CDH11: variants seen among roughly 807,000 people sequenced by gnomAD.
The protein encoded by CDH11 is cadherin-11.
Under a neutral mutation model 67.8 loss-of-function variants are expected in CDH11, and 11 were observed. The observed-to-expected ratio is 0.16, with a 90% CI of 0.10 to 0.27. CDH11 has a LOEUF of 0.27. Among genes scored for constraint, CDH11 ranks in the 10% least tolerant of loss-of-function variants. The pLI, the probability that CDH11 is intolerant of heterozygous loss-of-function variation, is 1.00. For missense variants in CDH11, 847 were observed against 1,031.2 expected (o/e 0.82, Z 2.45); for synonymous variants, 419 against 400.0 (o/e 1.05, Z -0.57).
At chr16:64,965,818 A>ACACACAC (rs2071809668) in intron 11 of CDH11, among the ~76,000 whole-genome samples, 5 of 139,834 alleles carry the variant, frequency 3.6e-5, no homozygotes, top group Admixed American at 7.2e-5. Context: ...ACACACACAC[A>ACACACAC]AGCTTATTTA....
At chr16:65,013,549 G>A (rs2073226440) in intron 2 of CDH11, among the ~76,000 whole-genome samples, 1 of 152,140 alleles carries the variant, frequency 6.6e-6, no homozygotes, top group South Asian at 2.1e-4. Context: ...AACCCAGCCG[G>A]GCGCAGTGGC....
chr16:65,122,281 C>T (rs1446424584), upstream of CDH11: 12 of 386,084 alleles, frequency 3.1e-5, no homozygotes, highest in Middle Eastern at 7.6e-4. Context: ...CCCAGGGGCC[C>T]AGAGATGCTA....
At chr16:65,081,361 G>A (rs556813806) in intron 1 of CDH11, among the ~76,000 whole-genome samples, 1 of 152,262 alleles carries the variant, frequency 6.6e-6, no homozygotes, top group East Asian at 1.9e-4. Context: ...GAGGTCAGGA[G>A]ATCGAGACCA....
rs1400074069 is a variant in CDH11, at chr16:65,121,800, T to G, written c.-298+80A>C. The G allele has an allele frequency of 2.6e-5, 14 of 547,034 alleles. No homozygotes were observed. The Admixed American group carries it at 3.1e-4, about 12-fold the overall frequency. The allele number at this position is 547,034 out of a possible 1,614,324, so 33.9% of individuals were successfully genotyped here. On this transcript the variant is annotated intron_variant, in intron 1 of 12. Coordinates refer to ENST00000268603, the MANE Select transcript of CDH11 (RefSeq NM_001797.4). The surrounding 1 kb of genome is among the most constrained non-coding windows in gnomAD (Gnocchi z 4.1). ...CTCACCACCCCGCCCCGCCAAGACA[T>G]TCTCTTCCTGAGAAAATCCTGCCCC...
At chr16:64,997,036 C>CA (rs1244860055) in intron 4 of CDH11, among the ~76,000 whole-genome samples, 1 of 151,802 alleles carries the variant, frequency 6.6e-6, no homozygotes, top group African/African-American at 2.4e-5. Flanking sequence ...CGGTGGCTCA[C>CA]GTCTGTAATC....
chr16:65,096,508 T>C (rs1174721893), intron 1 of CDH11, among the ~76,000 whole-genome samples: 1 of 151,004 alleles, frequency 6.6e-6, no homozygotes, highest in Non-Finnish European at 1.5e-5. Context: ...TATATGTGTA[T>C]ATATGCATAT....
intron 2 of CDH11, among the ~76,000 whole-genome samples, chr16:65,047,209 A>T (rs2073976350): frequency 1.3e-5 from 2 of 152,234 alleles, no homozygotes. Context: ...GTGTGTTTGC[A>T]ACTGCCCAGA....
At position 65,107,788 on chromosome 16, in the gene CDH11, C is replaced by A. The variant is rs375185712; in HGVS notation, c.-298+14092G>T. 8.5e-5 allele frequency among the ~76,000 whole-genome samples: 13 copies of A among 152,224 alleles called. No individual in the cohort carries two copies. In the East Asian group the frequency reaches 2.3e-3, roughly 27 times the overall value. ...GCTGAGAAGTGATGGTTAGAAAGTG[C>A]CATGCCAAGTGATTTGTGGAGGAAG... On this transcript the variant is annotated intron_variant, in intron 1 of 12. Transcript: ENST00000268603.
At chr16:65,106,642 C>A (rs1490416031) in intron 1 of CDH11, among the ~76,000 whole-genome samples, 1 of 152,160 alleles carries the variant, frequency 6.6e-6, no homozygotes, top group African/African-American at 2.4e-5. Context: ...TGGACAAAAA[C>A]TGAATGTATA....
intron 1 of CDH11, among the ~76,000 whole-genome samples, chr16:65,119,538 TA>T (rs1204209923): frequency 2.0e-5 from 3 of 152,166 alleles, no homozygotes; most frequent in Non-Finnish European, 4.4e-5. Context: ...AGAACTATTT[TA>T]AAAGCTTATT....
intron 2 of CDH11, among the ~76,000 whole-genome samples, chr16:65,005,435 C>T (rs959292932): frequency 6.6e-6 from 1 of 152,184 alleles, no homozygotes; most frequent in Admixed American, 6.5e-5. Flanking sequence ...GGACAGATGG[C>T]TGGACTCAAT....
intron 2 of CDH11, among the ~76,000 whole-genome samples, chr16:65,012,320 A>G (rs531757501): frequency 3.3e-5 from 5 of 152,324 alleles, no homozygotes; most frequent in African/African-American, 1.2e-4. Context: ...TTCAGTGACA[A>G]CTAAATCATA....
chr16:64,985,809 A>G (rs1308554000), intron 7 of CDH11: 1 of 149,906 alleles, frequency 6.7e-6, no homozygotes. Context: ...TGCGCAGAAC[A>G]GCCTCCTACA....
intron 2 of CDH11, among the ~76,000 whole-genome samples, chr16:65,045,748 T>C (rs763906439): frequency 2.6e-5 from 4 of 152,132 alleles, no homozygotes; most frequent in Non-Finnish European, 4.4e-5. Context: ...AATGAATTAA[T>C]GAATGGCCAA....
At chr16:65,054,191 C>T (rs573649405) in intron 1 of CDH11, among the ~76,000 whole-genome samples, 60 of 152,206 alleles carry the variant, frequency 3.9e-4, no homozygotes, top group African/African-American at 1.4e-3. Context: ...ATCCTACACA[C>T]AACTTCTTAT....
intron 2 of CDH11, among the ~76,000 whole-genome samples, chr16:65,023,238 G>T (rs2073462539): frequency 6.6e-6 from 1 of 152,138 alleles, no homozygotes; most frequent in South Asian, 2.1e-4. Context: ...CCAAAATAAA[G>T]AACATAGGAA....
At chr16:65,088,123 A>G (rs1374082291) in intron 1 of CDH11, among the ~76,000 whole-genome samples, 1 of 152,168 alleles carries the variant, frequency 6.6e-6, no homozygotes, top group Non-Finnish European at 1.5e-5. Context: ...GCGTCCTTAC[A>G]AACGAAGCTT....
At chr16:65,101,121 C>A (rs188046659) in intron 1 of CDH11, among the ~76,000 whole-genome samples, 7 of 152,344 alleles carry the variant, frequency 4.6e-5, no homozygotes, top group African/African-American at 1.7e-4. Context: ...CTCAGAGGAA[C>A]TATGTTCTAA....
chr16:65,087,092 G>A (rs545029139), intron 1 of CDH11, among the ~76,000 whole-genome samples: 1 of 152,304 alleles, frequency 6.6e-6, no homozygotes, highest in African/African-American at 2.4e-5. Context: ...AGACTTCGGA[G>A]TTAGGTGTGA....
Sources: allele counts gnomAD v4.1 joint callset (sites outside exome capture counted in the v4.1 genomes callset), GRCh38; gene constraint gnomAD v4.1.1; non-coding constraint Gnocchi (gnomAD v3.1); transcripts MANE v1.5; gene names NCBI Gene and HGNC (gene_info 2026-07-23, HGNC 2026-07-21).